The following TRIM71 variants were observed in gnomAD, a reference collection of about 807,000 sequenced individuals.
The protein encoded by TRIM71 is tripartite motif containing 71.
TRIM71 carries 9 observed loss-of-function variants against 61.2 expected under a neutral mutation model. The ratio of observed to expected loss-of-function variants is 0.15; its 90% confidence interval spans 0.09 to 0.26. The LOEUF (loss-of-function observed/expected upper bound fraction) is 0.26, where lower values mean the gene tolerates loss of function less well. Ranked by LOEUF, TRIM71 falls within the 10% of genes least tolerant of loss-of-function variation. The pLI, the probability that TRIM71 is intolerant of heterozygous loss-of-function variation, is 1.00. For synonymous variants in TRIM71, 645 were observed against 553.2 expected, an observed-to-expected ratio of 1.17 and a Z score of -2.33; for missense variants, 998 against 1,238.7, an observed-to-expected ratio of 0.81 and a Z score of 2.92.
In TRIM71 at chr3:32,818,584, G is replaced by T; in HGVS notation, c.504G>T (p.Pro168=). The T allele has an allele frequency of 7.7e-7, 1 of 1,299,732 alleles. No individual in the cohort carries two copies. Among genetic ancestry groups the T allele is most frequent in the Non-Finnish European group, 9.7e-7 (1 of 1,032,534 alleles). The allele number at this position is 1,299,732 out of a possible 1,614,324, so 80.5% of individuals were successfully genotyped here. The change falls in exon 1 of 4, where the codon CCG becomes CCT. Residue 168 remains proline (P), a synonymous_variant. Coordinates refer to ENST00000383763, the MANE Select transcript of TRIM71 (RefSeq NM_001039111.3). The stretch of plus-strand genomic sequence containing the variant: ...CGTCCGCCTCCGCGCCGCCACTCCC[G>T]CAGGCGCCGCAGCCGCCCGCGCCTT... ...PRASASAPPL[P]QAPQPPAPSR...
intron 1 of TRIM71, among the ~76,000 whole-genome samples, chr3:32,863,195 CTTTTTTTTTTTTTTT>C (rs11348995): frequency 2.0e-4 from 11 of 53,718 alleles, no homozygotes; most frequent in East Asian, 6.8e-4. Context: ...TTAATTGAAC[CTTTTTTTTTTTTTTT>C]TTTTTTTTTT....
chr3:32,824,311 G>A (rs1048423547), intron 1 of TRIM71, among the ~76,000 whole-genome samples: 2 of 151,696 alleles, frequency 1.3e-5, no homozygotes, highest in Admixed American at 1.3e-4. Context: ...CCAAGTAACG[G>A]GGATTACAGG....
At chr3:32,867,980 A>G (rs1240278526) in intron 1 of TRIM71, among the ~76,000 whole-genome samples, 2 of 152,054 alleles carry the variant, frequency 1.3e-5, no homozygotes, top group Non-Finnish European at 1.5e-5. Flanking sequence ...TTCAATTTCT[A>G]GAGATACCAT....
At chr3:32,879,154 A>T (rs1244630370) in intron 2 of TRIM71, among the ~76,000 whole-genome samples, 2 of 152,206 alleles carry the variant, frequency 1.3e-5, no homozygotes, top group Non-Finnish European at 2.9e-5. Flanking sequence ...CTCACCCTTC[A>T]TAGCATTGAA....
At chr3:32,858,034 C>G (rs1344347484) in intron 1 of TRIM71, among the ~76,000 whole-genome samples, 1 of 152,054 alleles carries the variant, frequency 6.6e-6, no homozygotes, top group East Asian at 1.9e-4. Flanking sequence ...GGAAGTAGAT[C>G]ATTATAAAGG....
intron 1 of TRIM71, among the ~76,000 whole-genome samples, chr3:32,820,507 A>G (rs1696115553): frequency 6.6e-6 from 1 of 152,174 alleles, no homozygotes; most frequent in South Asian, 2.1e-4. Context: ...GATTGAGGTA[A>G]ATACCGATCC....
At chr3:32,824,324 C>T (rs1379817080) in intron 1 of TRIM71, among the ~76,000 whole-genome samples, 5 of 151,454 alleles carry the variant, frequency 3.3e-5, no homozygotes, top group Non-Finnish European at 5.9e-5. Flanking sequence ...ATTACAGGCG[C>T]TCGTCACCTT....
intron 1 of TRIM71, among the ~76,000 whole-genome samples, chr3:32,837,535 C>CG (rs1037842740): frequency 6.6e-6 from 1 of 152,132 alleles, no homozygotes; most frequent in African/African-American, 2.4e-5. Context: ...AACTTACTAA[C>CG]GTCGCCGGGC....
At chr3:32,881,353 C>T (rs1442336741) in intron 2 of TRIM71, among the ~76,000 whole-genome samples, 3 of 152,158 alleles carry the variant, frequency 2.0e-5, no homozygotes, top group South Asian at 2.1e-4. Context: ...ACAGTAGCTC[C>T]GCATACCCAG....
At chr3:32,823,856 G>T (rs1174562706) in intron 1 of TRIM71, among the ~76,000 whole-genome samples, 1 of 152,148 alleles carries the variant, frequency 6.6e-6, no homozygotes, top group Non-Finnish European at 1.5e-5. Flanking sequence ...GGCGGATCAC[G>T]AGGTCAAGAG....
chr3:32,828,195 T>G (rs1462333258), intron 1 of TRIM71, among the ~76,000 whole-genome samples: 1 of 152,118 alleles, frequency 6.6e-6, no homozygotes, highest in Non-Finnish European at 1.5e-5. Context: ...AAGGGAGATA[T>G]TTCTATTACT....
In TRIM71 at chr3:32,818,832, C is replaced by T; in HGVS notation, c.752C>T (p.Ala251Val). 1 of 1,611,488 alleles carries T rather than the reference C, an allele frequency of 6.2e-7. No homozygotes were observed. Among genetic ancestry groups the T allele is most frequent in the Non-Finnish European group, 8.5e-7 (1 of 1,179,326 alleles). Reference protein sequence around the residue: ...GPPGPGAAAAAQQLGLGPPFP... With the variant: ...GPPGPGAAAAVQQLGLGPPFP... ...CCGGGTCCCGGTGCCGCAGCAGCGG[C>T]GCAGCAGCTCGGGCTCGGGCCGCCC... is the stretch of plus-strand genomic sequence containing the variant. The change falls in exon 1 of 4, where the codon GCG becomes GTG. Residue 251 changes from alanine (A) to valine (V), a missense_variant. By Grantham distance (64) the Ala-to-Val change is moderately conservative. Coordinates refer to ENST00000383763, the MANE Select transcript of TRIM71 (RefSeq NM_001039111.3).
At chr3:32,862,046 A>G (rs1458038356) in intron 1 of TRIM71, among the ~76,000 whole-genome samples, 1 of 152,202 alleles carries the variant, frequency 6.6e-6, no homozygotes, top group East Asian at 1.9e-4. Context: ...AAATTTCTAT[A>G]GTAATATCTT....
chr3:32,864,633 A>T (rs1158628552), intron 1 of TRIM71, among the ~76,000 whole-genome samples: 4 of 152,182 alleles, frequency 2.6e-5, no homozygotes, highest in Non-Finnish European at 5.9e-5. Flanking sequence ...CAGGGTCCTG[A>T]CACCCCAGTG....
chr3:32,822,710 A>T (rs1321722180), intron 1 of TRIM71, among the ~76,000 whole-genome samples: 1 of 152,232 alleles, frequency 6.6e-6, no homozygotes, highest in African/African-American at 2.4e-5. Context: ...AAATATTTTT[A>T]AAAGCATAAT....
intron 1 of TRIM71, among the ~76,000 whole-genome samples, chr3:32,845,501 C>T (rs1475057459): frequency 6.6e-6 from 1 of 152,156 alleles, no homozygotes; most frequent in Admixed American, 6.5e-5. Flanking sequence ...AGCGGGTTTG[C>T]AAGGAGTCTT....
At chr3:32,867,017 C>T (rs1430262167) in intron 1 of TRIM71, among the ~76,000 whole-genome samples, 11 of 152,160 alleles carry the variant, frequency 7.2e-5, no homozygotes, top group South Asian at 2.1e-4. Flanking sequence ...CCAGCAGTTG[C>T]GATGAGTTCA....
intron 1 of TRIM71, among the ~76,000 whole-genome samples, chr3:32,855,303 G>A (rs1175736961): frequency 3.9e-5 from 6 of 151,976 alleles, no homozygotes; most frequent in African/African-American, 1.5e-4. Flanking sequence ...TGGAAGTGAG[G>A]GGTACCAGTG....
Position 32,895,797 on chromosome 3 carries a change from C to CTGCTTTT in TRIM71, c.*3986_*3987insTGCTTTT, listed in dbSNP as rs1697071512. On this transcript the variant is annotated 3_prime_UTR_variant, in exon 4 of 4. Transcript: ENST00000383763. ...GCACAGGACGCAGCATTCCAGACCA[C>CTGCTTTT]ACTGACTGCTTTTGCTGAGTTTCTA... 6.6e-6 allele frequency: 1 copy of CTGCTTTT among 152,248 alleles called. No homozygotes were observed. The highest frequency in any genetic ancestry group is 1.5e-5 in the Non-Finnish European group (1 of 68,088). 9.4% of individuals were successfully genotyped at this position (152,248 alleles called of 1,614,324 possible).
Sources: gnomAD v4.1 joint callset for allele counts (sites outside exome capture counted in the v4.1 genomes callset) on GRCh38, gnomAD v4.1.1 for gene constraint, MANE v1.5 for transcripts, NCBI Gene and HGNC (gene_info 2026-07-23, HGNC 2026-07-21) for gene names.